Variants in GRM7 observed in about 807,000 individuals in gnomAD.
GRM7 encodes metabotropic glutamate receptor 7.
A neutral mutation model predicts 84.5 loss-of-function variants in GRM7; 35 were observed. That is an observed-to-expected ratio of 0.41 (90% confidence interval 0.32 to 0.55). The LOEUF (loss-of-function observed/expected upper bound fraction) is 0.55. GRM7 is among the 20% of genes least tolerant of loss of function. The pLI is 0.19. For missense variants in GRM7, 1,003 were observed against 1,194.6 expected (o/e 0.84, Z 2.36); for synonymous variants, 487 against 455.1 (o/e 1.07, Z -0.89).
At chr3:7,522,450 C>T (rs572818226) in intron 7 of GRM7, among the ~76,000 whole-genome samples, 1 of 152,184 alleles carries the variant, frequency 6.6e-6, no homozygotes, top group African/African-American at 2.4e-5. Context: ...ATTAACACAC[C>T]CATTGCTACT....
chr3:7,398,961 C>T (rs189107326), intron 4 of GRM7, among the ~76,000 whole-genome samples: 4 of 151,988 alleles, frequency 2.6e-5, no homozygotes, highest in Admixed American at 6.6e-5. Flanking sequence ...CCTTCAAATG[C>T]GGGCATTTCC....
In GRM7 at chr3:7,360,137, C is replaced by CTGTGTG. The variant is rs58123164; in HGVS notation, c.1033+53516_1033+53521dup. On this transcript the variant is annotated intron_variant, in intron 4 of 9. Transcript: ENST00000357716. ...CTTTCTCCCCCCCTTTTTTTTCCCT[C>CTGTGTG]TGTGTGTGTGTGTGTGTGTGTGTGT... 1.4e-3 allele frequency among the ~76,000 whole-genome samples: 197 copies of CTGTGTG among 136,032 alleles called. 13 individuals carry two copies. The highest frequency in any genetic ancestry group is 4.1e-3 in the African/African-American group (140 of 34,286). 89.2% of individuals were successfully genotyped at this position (136,032 alleles called of 152,430 possible).
chr3:7,575,183 G>T (rs189162606), intron 7 of GRM7, among the ~76,000 whole-genome samples: 174 of 152,224 alleles, frequency 1.1e-3, no homozygotes, highest in Non-Finnish European at 1.6e-3. Context: ...CCAAAAGCTA[G>T]GATCTCAGCC....
At chr3:6,874,474 T>C (rs899652558) in intron 1 of GRM7, among the ~76,000 whole-genome samples, 82 of 152,190 alleles carry the variant, frequency 5.4e-4, no homozygotes, top group Non-Finnish European at 3.5e-4. Context: ...ACTGGTCATA[T>C]TCAGTACTTT....
chr3:7,502,062 C>T (rs1699901936), intron 7 of GRM7, among the ~76,000 whole-genome samples: 3 of 152,158 alleles, frequency 2.0e-5, no homozygotes, highest in Admixed American at 1.3e-4. Context: ...GGCCCTTCTG[C>T]CTGCTGCGTA....
chr3:7,538,313 T>C (rs1352964023), intron 7 of GRM7, among the ~76,000 whole-genome samples: 4 of 152,118 alleles, frequency 2.6e-5, no homozygotes, highest in Admixed American at 6.6e-5. Flanking sequence ...AGTTTCACCA[T>C]GTTGGCCAGC....
intron 4 of GRM7, among the ~76,000 whole-genome samples, chr3:7,327,898 A>T (rs1004361547): frequency 1.3e-5 from 2 of 152,252 alleles, no homozygotes; most frequent in Admixed American, 1.3e-4. Context: ...TAAATAATGT[A>T]TCAGAACATT....
chr3:7,337,790 C>CT (rs1048597615), intron 4 of GRM7, among the ~76,000 whole-genome samples: 13 of 151,840 alleles, frequency 8.6e-5, no homozygotes, highest in Non-Finnish European at 1.8e-4. Context: ...AAAGGGAACA[C>CT]TTATACATTG....
At chr3:7,538,801 T>C (rs990584440) in intron 7 of GRM7, among the ~76,000 whole-genome samples, 1 of 152,092 alleles carries the variant, frequency 6.6e-6, no homozygotes, top group African/African-American at 2.4e-5. Flanking sequence ...CAACCTATCA[T>C]GGATCTTGTT....
At position 7,448,057 on chromosome 3, in the gene GRM7, T is replaced by C. The variant is rs565707785; in HGVS notation, c.1175-4550T>C. 5.9e-5 allele frequency among the ~76,000 whole-genome samples: 9 copies of C among 151,952 alleles called. No homozygotes were observed. In the East Asian group the frequency reaches 1.7e-3, roughly 29 times the overall value. On this transcript the variant is annotated intron_variant, in intron 5 of 9. Transcript: ENST00000357716. ...GAATGATGATTTCCAGTTTCATCCA[T>C]GTCCCTACAAAGGACATGAACTCAT...
intron 7 of GRM7, among the ~76,000 whole-genome samples, chr3:7,546,721 G>C (rs1693170333): frequency 6.6e-6 from 1 of 151,880 alleles, no homozygotes; most frequent in Admixed American, 6.6e-5. Context: ...TTACAGACAA[G>C]CTGAGTTTCC....
intron 2 of GRM7, among the ~76,000 whole-genome samples, chr3:7,243,619 T>C (rs1286423977): frequency 6.6e-6 from 1 of 152,138 alleles, no homozygotes; most frequent in Non-Finnish European, 1.5e-5. Flanking sequence ...AGTTCATTCA[T>C]TGCCTTAGAT....
intron 1 of GRM7, among the ~76,000 whole-genome samples, chr3:6,983,917 A>G (rs945554350): frequency 2.6e-5 from 4 of 152,166 alleles, no homozygotes; most frequent in Admixed American, 1.3e-4. Context: ...TTAACAATGT[A>G]TCTGTGGTTT....
chr3:7,143,814 G>T (rs1392236866), intron 1 of GRM7, among the ~76,000 whole-genome samples: 2 of 152,148 alleles, frequency 1.3e-5, no homozygotes, highest in Admixed American at 1.3e-4. Context: ...TCCACAAGTT[G>T]AAATTGATGG....
At chr3:7,585,381 C>T (rs1415014017) in intron 8 of GRM7, among the ~76,000 whole-genome samples, 2 of 147,632 alleles carry the variant, frequency 1.4e-5, no homozygotes, top group Non-Finnish European at 3.0e-5. Context: ...CATAATGAAT[C>T]AGCTAATTTC....
chr3:7,513,838 T>C (rs1394126056), intron 7 of GRM7, among the ~76,000 whole-genome samples: 3 of 152,392 alleles, frequency 2.0e-5, no homozygotes, highest in Admixed American at 2.0e-4. Context: ...TTTTCTGTTT[T>C]GTTTCTTTGA....
intron 1 of GRM7, among the ~76,000 whole-genome samples, chr3:7,094,019 A>T (rs1226073655): frequency 6.6e-6 from 1 of 152,120 alleles, no homozygotes; most frequent in Non-Finnish European, 1.5e-5. Context: ...GGACTCTTTA[A>T]TTACTCTCTT....
intron 1 of GRM7, among the ~76,000 whole-genome samples, chr3:6,888,780 T>C (rs1369725353): frequency 6.6e-6 from 1 of 152,184 alleles, no homozygotes; most frequent in African/African-American, 2.4e-5. Flanking sequence ...AAATCATTGG[T>C]AGCTTGATGG....
chr3:6,943,424 C>A (rs1697956916), intron 1 of GRM7, among the ~76,000 whole-genome samples: 1 of 151,848 alleles, frequency 6.6e-6, no homozygotes, highest in Non-Finnish European at 1.5e-5. Flanking sequence ...ATATGAAAAT[C>A]CAATTATTTC....
Sources: gnomAD v4.1 joint callset for allele counts (sites outside exome capture counted in the v4.1 genomes callset) on GRCh38, gnomAD v4.1.1 for gene constraint, MANE v1.5 for transcripts, NCBI Gene and HGNC (gene_info 2026-07-23, HGNC 2026-07-21) for gene names.